Variants in CCDC15 observed in about 807,000 individuals in gnomAD.
CCDC15 encodes coiled-coil domain containing 15.
In CCDC15, 105 loss-of-function variants were observed where a neutral mutation model predicts 114.5. The observed-to-expected ratio is 0.92, with a 90% CI of 0.78 to 1.08. CCDC15 has a LOEUF of 1.08. CCDC15 is among the 50% of genes least tolerant of loss of function. CCDC15 has a pLI of 0.00. For missense variants in CCDC15, 1,105 were observed against 1,093.6 expected, an observed-to-expected ratio of 1.01 and a Z score of -0.15; for synonymous variants, 334 against 377.8, an observed-to-expected ratio of 0.88 and a Z score of 1.34.
intron 13 of CCDC15, among the ~76,000 whole-genome samples, chr11:125,022,471 C>A (rs1207918936): frequency 6.6e-6 from 1 of 151,904 alleles, no homozygotes. Context: ...GTAAGAAAAT[C>A]TTTGTTTAAA....
intron 5 of CCDC15, among the ~76,000 whole-genome samples, chr11:124,977,017 A>G (rs1438822308): frequency 2.0e-5 from 3 of 152,158 alleles, no homozygotes; most frequent in Non-Finnish European, 4.4e-5. Flanking sequence ...ACAATTTTCT[A>G]CCTTCTTAGT....
intron 13 of CCDC15, among the ~76,000 whole-genome samples, chr11:125,025,758 T>C: frequency 6.6e-6 from 1 of 152,210 alleles, no homozygotes; most frequent in East Asian, 1.9e-4. Context: ...GGCATAAAGT[T>C]CTTAATATTC....
chr11:124,966,882 A>G (rs1947793430), intron 4 of CCDC15, among the ~76,000 whole-genome samples: 1 of 151,964 alleles, frequency 6.6e-6, no homozygotes, highest in African/African-American at 2.4e-5. Flanking sequence ...AAAGGATTTT[A>G]TTTCTTCACT....
In CCDC15 at chr11:125,041,470, A is replaced by T. The variant is rs1311826763; in HGVS notation, c.*759A>T. The T allele has an allele frequency of 2.0e-5, 3 of 152,132 alleles. No individual in the cohort carries two copies. The highest frequency in any genetic ancestry group is 7.2e-5 in the African/African-American group (3 of 41,440). The allele number at this position is 152,132 out of a possible 1,614,324, so 9.4% of individuals were successfully genotyped here. Reference sequence around the variant, plus strand: ...TGGCTACAGGGCAAATGAAATAAAAATTGCCATAGTTGGTATGAATTTGTT... The same window carrying T: ...TGGCTACAGGGCAAATGAAATAAAATTTGCCATAGTTGGTATGAATTTGTT... On this transcript the variant is annotated 3_prime_UTR_variant, in exon 16 of 16. Coordinates refer to ENST00000344762, the MANE Select transcript of CCDC15 (RefSeq NM_025004.3).
intron 13 of CCDC15, among the ~76,000 whole-genome samples, chr11:125,023,047 T>C (rs1948672528): frequency 6.6e-6 from 1 of 151,928 alleles, no homozygotes. Flanking sequence ...CAGTTTGTTC[T>C]TTTATGGAGT....
chr11:124,987,138 C>T lies in CCDC15; in HGVS notation c.912C>T (p.Phe304=), dbSNP rs771679686. ...ATGTTCACTTTTAGAAAGTAAAATT[C>T]AAAAATCCATTATTTGTTCTGATGG... ...KPFSRVQKVK[F]KNPLFVLMEE... Residue 304 remains phenylalanine, a synonymous_variant, in exon 8 of 16, where the codon TTC becomes TTT. Transcript: ENST00000344762. 2.0e-6 allele frequency: 3 copies of T among 1,506,048 alleles called. No individual in the cohort carries two copies. The East Asian group carries it at 6.9e-5, about 34-fold the overall frequency. 93.3% of individuals were successfully genotyped at this position (1,506,048 alleles called of 1,614,324 possible).
intron 6 of CCDC15, 33 bp from the exon 7 acceptor site, chr11:124,986,709 G>GCT: frequency 1.4e-6 from 2 of 1,410,454 alleles, no homozygotes; most frequent in Admixed American, 2.2e-5. Flanking sequence ...GTGCGCGCGC[G>GCT]CGCGTGCGCG....
intron 8 of CCDC15, among the ~76,000 whole-genome samples, chr11:124,989,650 G>A (rs1196175672): frequency 6.6e-6 from 1 of 152,198 alleles, no homozygotes; most frequent in African/African-American, 2.4e-5. Flanking sequence ...ATCTTAGCTA[G>A]ATCTTCTAGA....
At chr11:124,977,386 T>C (rs1947990933) in intron 5 of CCDC15, 92 bp from the exon 6 acceptor site, 2 of 1,231,046 alleles carry the variant, frequency 1.6e-6, no homozygotes, top group Non-Finnish European at 2.2e-6. Flanking sequence ...CCTACTAAGA[T>C]AATTTTAGAT....
chr11:125,016,961 A>G (rs550853242), intron 13 of CCDC15, among the ~76,000 whole-genome samples: 10 of 152,324 alleles, frequency 6.6e-5, no homozygotes, highest in South Asian at 4.1e-4. Flanking sequence ...TACAGATGGT[A>G]TCAGAAGACT....
intron 3 of CCDC15, 22 bp from the exon 4 acceptor site, chr11:124,959,793 C>T (rs769912778): frequency 2.8e-5 from 39 of 1,368,740 alleles, no homozygotes; most frequent in Admixed American, 1.5e-4. Flanking sequence ...ATGTTACTAT[C>T]CCCCTTTCTT....
chr11:124,994,989 A>G (rs974157060), intron 11 of CCDC15, among the ~76,000 whole-genome samples: 3 of 152,182 alleles, frequency 2.0e-5, no homozygotes, highest in African/African-American at 7.2e-5. Context: ...GAAGCAGAAA[A>G]TAGAGTTTGG....
chr11:124,955,816 G>A (rs1412839049), intron 2 of CCDC15, among the ~76,000 whole-genome samples: 1 of 152,062 alleles, frequency 6.6e-6, no homozygotes, highest in East Asian at 1.9e-4. Flanking sequence ...TATATTCATT[G>A]ATTTATTCCT....
At chr11:124,974,177 A>G (rs887126939) in intron 4 of CCDC15, among the ~76,000 whole-genome samples, 2 of 151,872 alleles carry the variant, frequency 1.3e-5, no homozygotes, top group African/African-American at 4.8e-5. Flanking sequence ...GTTTCACCAC[A>G]TTGGTCAGGC....
Position 124,993,240 on chromosome 11 carries a change from C to A in CCDC15, c.2211C>A (p.Pro737=), listed in dbSNP as rs7951202. Residue 737 remains proline, a synonymous_variant, in exon 11 of 16, where the codon CCC becomes CCA. Transcript: ENST00000344762. The part of the protein sequence containing the change: ...EIARGNTPGV[P]LAYDRYQSGL... The stretch of plus-strand genomic sequence containing the variant: ...CAAGAGGAAATACTCCTGGAGTGCC[C>A]TTGGTATGTTTCACACAATATTCAA... 0.21 allele frequency: 329,076 copies of A among 1,578,074 alleles called. 38,019 individuals are homozygous for A. Among genetic ancestry groups the A allele is most frequent in the African/African-American group, 0.45 (32,890 of 73,882 alleles).
At chr11:124,966,090 T>C (rs901974457) in intron 4 of CCDC15, among the ~76,000 whole-genome samples, 2 of 152,200 alleles carry the variant, frequency 1.3e-5, no homozygotes, top group African/African-American at 4.8e-5. Context: ...ATAAGTGCGA[T>C]GTGGTGCTGA....
Position 124,960,018 on chromosome 11 carries a change from T to A in CCDC15, c.516+15T>A, listed in dbSNP as rs7482800. The A allele has an allele frequency of 0.16, 248,478 of 1,521,408 alleles. 22,452 individuals are homozygous for A. Among genetic ancestry groups the A allele is most frequent in the African/African-American group, 0.34 (24,420 of 71,754 alleles). 94.2% of individuals were successfully genotyped at this position (1,521,408 alleles called of 1,614,324 possible). On this transcript the variant is annotated intron_variant, in intron 4 of 15. Coordinates refer to ENST00000344762, the MANE Select transcript of CCDC15 (RefSeq NM_025004.3). ...AAGCCCAGGCTGTAAGTACCTGTTC[T>A]TTTTATTTTATGTCTATGATATTTT...
intron 4 of CCDC15, among the ~76,000 whole-genome samples, chr11:124,960,721 A>T (rs1947644591): frequency 6.6e-6 from 1 of 152,194 alleles, no homozygotes; most frequent in Non-Finnish European, 1.5e-5. Context: ...AAAATTAACC[A>T]CTGTGAGTAG....
intron 13 of CCDC15, among the ~76,000 whole-genome samples, chr11:125,023,849 T>A (rs1021770138): frequency 1.3e-5 from 2 of 152,014 alleles, no homozygotes; most frequent in African/African-American, 4.8e-5. Context: ...TTTGAAACTC[T>A]TCTGCCAAAT....
Sources: gnomAD v4.1 joint callset for allele counts (sites outside exome capture counted in the v4.1 genomes callset) on GRCh38, gnomAD v4.1.1 for gene constraint, MANE v1.5 for transcripts, NCBI Gene and HGNC (gene_info 2026-07-23, HGNC 2026-07-21) for gene names.